Variants in CMTR1 observed in about 807,000 individuals in gnomAD.
CMTR1 encodes the protein cap-specific mRNA (nucleoside-2'-O-)-methyltransferase 1.
CMTR1 carries 39 observed loss-of-function variants against 107.0 expected under a neutral mutation model. The observed-to-expected ratio is 0.36, with a 90% CI of 0.28 to 0.48. The LOEUF (loss-of-function observed/expected upper bound fraction) is 0.48. Among genes scored for constraint, CMTR1 ranks in the 20% least tolerant of loss-of-function variants. The pLI, the probability that CMTR1 is intolerant of heterozygous loss-of-function variation, is 0.99. For missense variants in CMTR1, 672 were observed against 1,064.9 expected (o/e 0.63, Z 5.14); for synonymous variants, 366 against 379.5 (o/e 0.96, Z 0.41).
the CMTR1 span, among the ~76,000 whole-genome samples, chr6:37,425,096 C>G: frequency 6.7e-6 from 1 of 148,232 alleles, no homozygotes; most frequent in Non-Finnish European, 1.5e-5. Flanking sequence ...TTACAGGCAC[C>G]CACCACCCAG....
Position 37,481,181 on chromosome 6 carries a change from G to A in CMTR1, c.*1036G>A, listed in dbSNP as rs375677825. 7.5e-4 allele frequency: 978 copies of A among 1,300,780 alleles called. 22 individuals carry two copies. The South Asian group carries it at 0.011, about 15-fold the overall frequency. The allele number at this position is 1,300,780 out of a possible 1,614,324, so 80.6% of individuals were successfully genotyped here. A position where few individuals can be genotyped will look rare whatever the true frequency, so the allele number is the denominator to read the frequency against. Reference sequence around the variant, plus strand: ...CACTCCCATTTCCTTTATCTTGGCCGACAACACAGAGAGGAGGGGGAGCTG... The same window carrying A: ...CACTCCCATTTCCTTTATCTTGGCCAACAACACAGAGAGGAGGGGGAGCTG... On this transcript the variant is annotated 3_prime_UTR_variant, in exon 24 of 24. Transcript: ENST00000373451.
chr6:37,471,733 T>A (rs1292015923), intron 14 of CMTR1, 114 bp from the exon 15 acceptor site: 2 of 846,342 alleles, frequency 2.4e-6, no homozygotes, highest in Non-Finnish European at 3.8e-6. Flanking sequence ...TGTCTGTGTG[T>A]ACACTCACAT....
chr6:37,431,390 TA>T (rs1771363250), upstream of CMTR1, among the ~76,000 whole-genome samples: 1 of 152,186 alleles, frequency 6.6e-6, no homozygotes, highest in African/African-American at 2.4e-5. Context: ...GAGAACTAGG[TA>T]AATACCTGTT....
chr6:37,468,902 A>G (rs1367725938), intron 13 of CMTR1, among the ~76,000 whole-genome samples: 1 of 145,642 alleles, frequency 6.9e-6, no homozygotes, highest in Non-Finnish European at 1.5e-5. Context: ...ATAAATAAAT[A>G]AATAAAAATA....
Position 37,448,038 on chromosome 6 carries a change from G to A in CMTR1, c.444+1589G>A, listed in dbSNP as rs111324286. Among the ~76,000 whole-genome samples, 9 of 151,794 alleles carry A rather than the reference G, an allele frequency of 5.9e-5. 1 individual carries two copies. The highest frequency in any genetic ancestry group is 1.9e-4 in the African/African-American group (8 of 41,412). On this transcript the variant is annotated intron_variant, in intron 4 of 23. Coordinates refer to ENST00000373451, the MANE Select transcript of CMTR1 (RefSeq NM_015050.3). ...ATCTTGGCTAACACGGTGAAATCCCGTCTCTACTAAAAAATACAAAAAATT... is the reference window on the plus strand; with the variant it reads ...ATCTTGGCTAACACGGTGAAATCCCATCTCTACTAAAAAATACAAAAAATT...
intron 8 of CMTR1, among the ~76,000 whole-genome samples, chr6:37,456,522 C>A (rs1371745932): frequency 6.6e-6 from 1 of 152,182 alleles, no homozygotes. Context: ...AGGCCCACCT[C>A]ACCTAGAAGT....
intron 2 of CMTR1, among the ~76,000 whole-genome samples, chr6:37,439,749 G>C (rs551371695): frequency 6.6e-6 from 1 of 152,234 alleles, no homozygotes; most frequent in South Asian, 2.1e-4. Context: ...TGCCCACCTT[G>C]GCCATTAGCG....
chr6:37,474,770 G>T, intron 18 of CMTR1, 124 bp downstream of exon 18: 1 of 1,437,668 alleles, frequency 7.0e-7, no homozygotes, highest in South Asian at 1.3e-5. Flanking sequence ...CCCAGGGCTG[G>T]GGTAAGGGTT....
chr6:37,439,455 A>G (rs917037987), intron 2 of CMTR1, among the ~76,000 whole-genome samples: 1 of 152,152 alleles, frequency 6.6e-6, no homozygotes, highest in Non-Finnish European at 1.5e-5. Context: ...AGGCTCCTTC[A>G]CCAGTATCAC....
chr6:37,471,946 G>T, intron 15 of CMTR1, 42 bp downstream of exon 15: 1 of 1,592,258 alleles, frequency 6.3e-7, no homozygotes. Flanking sequence ...GGGCAGGGAA[G>T]CCATAGAGAA....
chr6:37,425,314 C>CT, the CMTR1 span, among the ~76,000 whole-genome samples: 1 of 144,248 alleles, frequency 6.9e-6, no homozygotes, highest in African/African-American at 2.6e-5. Context: ...TTTTTTTCCC[C>CT]GAGACAAAGT....
intron 11 of CMTR1, 127 bp from the exon 12 acceptor site, chr6:37,461,843 T>G: frequency 9.1e-7 from 1 of 1,094,646 alleles, no homozygotes. Flanking sequence ...CCCCTTAAAT[T>G]GTCTCTGAGT....
At chr6:37,431,328 T>C (rs1445924655), upstream of CMTR1, among the ~76,000 whole-genome samples, 14 of 152,238 alleles carry the variant, frequency 9.2e-5, no homozygotes, top group Admixed American at 9.2e-4. Context: ...TCATAATGCA[T>C]GCTAAGAAGC....
intron 5 of CMTR1, 148 bp downstream of exon 5, chr6:37,450,491 A>G (rs1771927341): frequency 2.6e-5 from 17 of 649,642 alleles, no homozygotes; most frequent in South Asian, 2.0e-4. Context: ...GTCAAGAGGG[A>G]GTGTCATGAG....
intron 4 of CMTR1, among the ~76,000 whole-genome samples, chr6:37,447,386 G>A (rs1218077708): frequency 6.6e-6 from 1 of 152,190 alleles, no homozygotes; most frequent in Admixed American, 6.5e-5. Context: ...GTAGTTGTGG[G>A]CGTTGAGACC....
Position 37,479,271 on chromosome 6 carries a change from C to T in CMTR1, c.2375+16C>T, listed in dbSNP as rs760061957. 1.3e-6 allele frequency: 2 copies of T among 1,534,780 alleles called. No homozygotes were observed. Among genetic ancestry groups the T allele is most frequent in the Admixed American group, 3.3e-5 (2 of 59,926 alleles). On this transcript the variant is annotated intron_variant, in intron 23 of 23. Transcript: ENST00000373451. ...CCCCATTTCAGTAAGTAGCTCTCCT[C>T]CAAGCCTGCCCTCCTTAGCAGCCTC...
chr6:37,478,348 G>T (rs1427138897), intron 21 of CMTR1, 61 bp from the exon 22 acceptor site: 3 of 1,310,734 alleles, frequency 2.3e-6, no homozygotes, highest in East Asian at 4.6e-5. Flanking sequence ...ATTAGTCAGA[G>T]ACTAATTTTA....
chr6:37,475,195 T>C (rs866620086), intron 18 of CMTR1, 126 bp from the exon 19 acceptor site: 9 of 736,826 alleles, frequency 1.2e-5, no homozygotes, highest in Middle Eastern at 6.0e-4. Flanking sequence ...AAGAAAAATA[T>C]CCTGCATTTA....
intron 20 of CMTR1, among the ~76,000 whole-genome samples, chr6:37,476,628 A>T (rs1012297121): frequency 3.6e-5 from 2 of 54,846 alleles, no homozygotes; most frequent in African/African-American, 3.7e-4. Context: ...GAAGGAGGCC[A>T]GGGTTGTAAT....
Sources: allele counts gnomAD v4.1 joint callset (sites outside exome capture counted in the v4.1 genomes callset), GRCh38; gene constraint gnomAD v4.1.1; transcripts MANE v1.5; gene names NCBI Gene and HGNC (gene_info 2026-07-23, HGNC 2026-07-21).